TP63: variants seen among roughly 807,000 people sequenced by gnomAD.
The protein encoded by TP63 is tumor protein p63.
Under a neutral mutation model 82.8 loss-of-function variants are expected in TP63, and 17 were observed. The ratio of observed to expected loss-of-function variants is 0.21; its 90% CI spans 0.14 to 0.31. The LOEUF (loss-of-function observed/expected upper bound fraction) is 0.31, where lower values mean the gene tolerates loss of function less well. TP63 is among the 10% of genes least tolerant of loss of function. TP63 has a pLI of 1.00. For synonymous variants in TP63, 330 were observed against 321.7 expected (o/e 1.03, Z -0.28); for missense variants, 648 against 895.3 (o/e 0.72, Z 3.52).
intron 3 of TP63, among the ~76,000 whole-genome samples, chr3:189,792,277 A>G (rs1370281007): frequency 6.6e-6 from 1 of 152,074 alleles, no homozygotes; most frequent in Non-Finnish European, 1.5e-5. Context: ...GGTACAGCGG[A>G]GAGGCCGCAA....
At chr3:189,639,932 A>G (rs1711675807) in intron 1 of TP63, among the ~76,000 whole-genome samples, 1 of 152,252 alleles carries the variant, frequency 6.6e-6, no homozygotes, top group South Asian at 2.1e-4. Flanking sequence ...ACCCTCCATC[A>G]AATGCTGACA....
chr3:189,713,929 T>G (rs1718776091), intron 1 of TP63, among the ~76,000 whole-genome samples: 1 of 152,124 alleles, frequency 6.6e-6, no homozygotes, highest in African/African-American at 2.4e-5. Context: ...AAGTGAAAAA[T>G]TTTTTGTTCA....
At chr3:189,668,759 T>A (rs1259876413) in intron 1 of TP63, among the ~76,000 whole-genome samples, 1 of 152,052 alleles carries the variant, frequency 6.6e-6, no homozygotes, top group African/African-American at 2.4e-5. Flanking sequence ...ACATCTGTAA[T>A]CCCAGAACTT....
chr3:189,767,979 T>C (rs764709245), intron 3 of TP63, among the ~76,000 whole-genome samples: 28 of 152,234 alleles, frequency 1.8e-4, no homozygotes, highest in Non-Finnish European at 4.0e-4. Context: ...AGAATAATAA[T>C]ACATATGTGA....
intron 4 of TP63, among the ~76,000 whole-genome samples, chr3:189,851,894 C>T (rs1014254406): frequency 6.6e-6 from 1 of 152,032 alleles, no homozygotes; most frequent in Non-Finnish European, 1.5e-5. Context: ...TCTTGGAGCA[C>T]ACAGTTAGAA....
chr3:189,702,713 C>A (rs1717906326), intron 1 of TP63, among the ~76,000 whole-genome samples: 1 of 152,160 alleles, frequency 6.6e-6, no homozygotes, highest in African/African-American at 2.4e-5. Context: ...TTGAGCAGAG[C>A]AAAAAGTACA....
intron 3 of TP63, among the ~76,000 whole-genome samples, chr3:189,805,515 T>G (rs1234092949): frequency 1.3e-5 from 2 of 152,236 alleles, no homozygotes; most frequent in African/African-American, 4.8e-5. Context: ...GGTGAAGTCC[T>G]AGGATAAAGC....
At chr3:189,711,982 T>C (rs1385716191) in intron 1 of TP63, among the ~76,000 whole-genome samples, 1 of 152,166 alleles carries the variant, frequency 6.6e-6, no homozygotes, top group Non-Finnish European at 1.5e-5. Context: ...TGGAGGCCAC[T>C]TGAAGAAAAG....
chr3:189,869,976 A>G (rs1016028736), intron 9 of TP63, among the ~76,000 whole-genome samples: 2 of 152,190 alleles, frequency 1.3e-5, no homozygotes, highest in African/African-American at 4.8e-5. Context: ...TTTGGACTGT[A>G]TTACTAGCAT....
intron 1 of TP63, among the ~76,000 whole-genome samples, chr3:189,659,233 C>T (rs1010959696): frequency 6.6e-6 from 1 of 151,948 alleles, no homozygotes; most frequent in Non-Finnish European, 1.5e-5. Context: ...TAGTAGTCAC[C>T]AGTGTCTACT....
chr3:189,831,218 T>C (rs890244236), intron 4 of TP63, among the ~76,000 whole-genome samples: 2 of 152,216 alleles, frequency 1.3e-5, no homozygotes, highest in Non-Finnish European at 2.9e-5. Context: ...AGGATCCTAA[T>C]TGAAATCTGC....
chr3:189,857,546 C>T (rs970174078), intron 4 of TP63, among the ~76,000 whole-genome samples: 1 of 152,084 alleles, frequency 6.6e-6, no homozygotes, highest in Non-Finnish European at 1.5e-5. Flanking sequence ...AAAAGCCAAG[C>T]TACAGGCTGG....
At chr3:189,619,490 C>T in the TP63 span, among the ~76,000 whole-genome samples, 1 of 152,214 alleles carries the variant, frequency 6.6e-6, no homozygotes, top group African/African-American at 2.4e-5. Flanking sequence ...ACTCTAACTA[C>T]CACATTTTCA....
At position 189,867,454 on chromosome 3, in the gene TP63, A is replaced by C. The variant is rs116725388; in HGVS notation, c.883-379A>C. Among the ~76,000 whole-genome samples, 6 of 152,344 alleles carry C rather than the reference A, an allele frequency of 3.9e-5. No individual in the cohort carries two copies. The South Asian group carries it at 1.2e-3, about 32-fold the overall frequency. On this transcript the variant is annotated intron_variant, in intron 6 of 13. Coordinates refer to ENST00000264731, the MANE Select transcript of TP63 (RefSeq NM_003722.5). ...ATCTATATTGTACTGTTTTATCCAC[A>C]CAGGGAAAATATTCTTGGAGCATTG...
At chr3:189,750,453 A>G (rs1351751306) in intron 3 of TP63, among the ~76,000 whole-genome samples, 1 of 152,206 alleles carries the variant, frequency 6.6e-6, no homozygotes, top group Non-Finnish European at 1.5e-5. Context: ...TATATTTTCA[A>G]AGTACATAAA....
At chr3:189,752,205 C>T (rs1198737012) in intron 3 of TP63, among the ~76,000 whole-genome samples, 2 of 151,978 alleles carry the variant, frequency 1.3e-5, no homozygotes, top group Non-Finnish European at 2.9e-5. Context: ...GACAGTGTGT[C>T]CCTCTTCACC....
At chr3:189,844,226 C>T in intron 4 of TP63, 1 of 404,014 alleles carries the variant, frequency 2.5e-6, no homozygotes. Flanking sequence ...GGCTGGAGTG[C>T]AATGGCATGA....
intron 10 of TP63, chr3:189,880,083 A>C: frequency 6.2e-7 from 1 of 1,613,856 alleles, no homozygotes; most frequent in Non-Finnish European, 8.5e-7. Flanking sequence ...AGCCTGCTTC[A>C]GGAATGAGCT....
the TP63 span, among the ~76,000 whole-genome samples, chr3:189,604,186 G>A: frequency 6.3e-4 from 96 of 152,122 alleles, no homozygotes; most frequent in African/African-American, 2.1e-3. Context: ...CTCCCACCTC[G>A]GAACCTTTAA....
Sources: allele counts gnomAD v4.1 joint callset (sites outside exome capture counted in the v4.1 genomes callset), GRCh38; gene constraint gnomAD v4.1.1; transcripts MANE v1.5; gene names NCBI Gene and HGNC (gene_info 2026-07-23, HGNC 2026-07-21).